GRM4: variants seen among roughly 807,000 people sequenced by gnomAD.
GRM4 encodes metabotropic glutamate receptor 4.
Under a neutral mutation model 81.7 loss-of-function variants are expected in GRM4, and 28 were observed. The observed-to-expected ratio is 0.34, with a 90% CI of 0.25 to 0.47. The LOEUF is 0.47. GRM4 is among the 20% of genes least tolerant of loss of function. The probability of loss-of-function intolerance (pLI) is 1.00; values close to 1 mark genes in which losing one functional copy is unlikely to be tolerated. For missense variants in GRM4, 948 were observed against 1,290.0 expected, an observed-to-expected ratio of 0.73 and a Z score of 4.06; for synonymous variants, 488 against 528.8, an observed-to-expected ratio of 0.92 and a Z score of 1.06.
chr6:34,095,028 A>ACCCTGGCCCAAATCCAGAGTGG (rs1561809024), intron 2 of GRM4, among the ~76,000 whole-genome samples: 3 of 152,150 alleles, frequency 2.0e-5, no homozygotes, highest in Non-Finnish European at 2.9e-5. Flanking sequence ...ATCCAGAGTG[A>ACCCTGGCCCAAATCCAGAGTGG]GGCCCTGGCA....
chr6:34,144,141 G>A (rs1770818321), intron 1 of GRM4, among the ~76,000 whole-genome samples: 1 of 152,238 alleles, frequency 6.6e-6, no homozygotes, highest in Admixed American at 6.5e-5. Flanking sequence ...AAGGCCTAGG[G>A]GCAGGGGGCG....
chr6:34,117,592 C>T (rs1054487346), intron 2 of GRM4, among the ~76,000 whole-genome samples: 1 of 152,190 alleles, frequency 6.6e-6, no homozygotes, highest in African/African-American at 2.4e-5. Context: ...GAAGTGAAGC[C>T]ATAGTCCCTG....
chr6:34,072,513 C>T (rs1766976748), intron 3 of GRM4, among the ~76,000 whole-genome samples: 1 of 152,038 alleles, frequency 6.6e-6, no homozygotes, highest in East Asian at 1.9e-4. Flanking sequence ...ACCACACACA[C>T]ACATCACCAC....
rs954752682 is a variant in GRM4, at chr6:34,133,807, G to C, written c.-311C>G. ...GGAAAGGGCAGAATGCTCCTAGCTT[G>C]GCGTATCTTGGCATCAAGGAGAAAA... On this transcript the variant is annotated 5_prime_UTR_variant, in exon 2 of 11. Coordinates refer to ENST00000538487, the MANE Select transcript of GRM4 (RefSeq NM_000841.4). The surrounding 1 kb of genome is among the most constrained non-coding windows in gnomAD (Gnocchi z 6.5). 6.1e-6 allele frequency: 7 copies of C among 1,149,338 alleles called. No homozygotes were observed. The East Asian group carries it at 2.5e-4, about 42-fold the overall frequency. The allele number at this position is 1,149,338 out of a possible 1,614,324, so 71.2% of individuals were successfully genotyped here.
At chr6:34,099,494 CAG>C (rs980523740) in intron 2 of GRM4, among the ~76,000 whole-genome samples, 4 of 151,826 alleles carry the variant, frequency 2.6e-5, no homozygotes, top group African/African-American at 9.7e-5. Flanking sequence ...TATGTGGCCA[CAG>C]AGAGAGTGGG....
chr6:34,138,867 T>C lies in GRM4; in HGVS notation c.-363-5008A>G, dbSNP rs570911735. ...CAGGGCCTCTCGTTCAAGTAATCTA[T>C]CTCTGTGTTTAAGGCCCCTTCCATA... On this transcript the variant is annotated intron_variant, in intron 1 of 10. Coordinates refer to ENST00000538487, the MANE Select transcript of GRM4 (RefSeq NM_000841.4). 2.6e-5 allele frequency among the ~76,000 whole-genome samples: 4 copies of C among 152,320 alleles called. No homozygotes were observed. In the South Asian group the frequency reaches 8.3e-4, roughly 32 times the overall value.
intron 3 of GRM4, among the ~76,000 whole-genome samples, chr6:34,086,493 G>C (rs1767895682): frequency 6.6e-6 from 1 of 152,228 alleles, no homozygotes; most frequent in South Asian, 2.1e-4. Context: ...CCAAGGAGCA[G>C]GCCAAGCCCC....
At chr6:34,071,468 C>A (rs1766839708) in intron 3 of GRM4, among the ~76,000 whole-genome samples, 4 of 130,582 alleles carry the variant, frequency 3.1e-5, no homozygotes, top group Non-Finnish European at 6.6e-5. Flanking sequence ...CACAGAGATA[C>A]ACACCACAAA....
chr6:34,137,143 C>T (rs548379372), intron 1 of GRM4, among the ~76,000 whole-genome samples: 4 of 152,330 alleles, frequency 2.6e-5, no homozygotes, highest in East Asian at 3.9e-4. Context: ...GTGAAATCAT[C>T]GGGATGACTG....
rs941971734 is a variant in GRM4, at chr6:34,035,578, A to G, written c.2442+90T>C. ...GAGGCATGAAAGAAGGCATTTCTGG[A>G]GCAGGGGGGAGGCCAGCCAGCCTCA... On this transcript the variant is annotated intron_variant, in intron 9 of 10. Transcript: ENST00000538487. This position sits in a 1 kb window ranked among gnomAD's most constrained non-coding sequence, Gnocchi z 6.6. 12 of 640,050 alleles carry G rather than the reference A, an allele frequency of 1.9e-5. No individual in the cohort carries two copies. The highest frequency in any genetic ancestry group is 3.0e-5 in the Non-Finnish European group (12 of 400,742). The allele number at this position is 640,050 out of a possible 1,614,324, so 39.6% of individuals were successfully genotyped here.
At chr6:34,137,024 G>C (rs1340705069) in intron 1 of GRM4, among the ~76,000 whole-genome samples, 2 of 152,156 alleles carry the variant, frequency 1.3e-5, no homozygotes, top group African/African-American at 2.4e-5. Context: ...GGGGCACATA[G>C]AAGGGGTCCT....
Position 34,152,709 on chromosome 6 carries a change from A to T in GRM4, c.312+2370T>A, listed in dbSNP as rs1052651535. 1.3e-5 allele frequency among the ~76,000 whole-genome samples: 2 copies of T among 152,216 alleles called. No individual in the cohort carries two copies. Among genetic ancestry groups the T allele is most frequent in the African/African-American group, 4.8e-5 (2 of 41,442 alleles). ...TTTGATTGGATCCGATGCGCTTTTA[A>T]TTCCCTCCTGGGACATCAGAATGAG... On this transcript the variant is annotated intron_variant, in intron 1 of 8. Transcript: ENST00000374177. This position sits in a 1 kb window ranked among gnomAD's most constrained non-coding sequence, Gnocchi z 4.1.
intron 8 of GRM4, among the ~76,000 whole-genome samples, chr6:34,038,819 G>C (rs939455342): frequency 1.3e-5 from 2 of 152,220 alleles, no homozygotes; most frequent in Admixed American, 6.5e-5. Context: ...GGGACTTTCA[G>C]GGGAAGGGCC....
chr6:34,044,550 AC>A (rs1274002346), intron 6 of GRM4, among the ~76,000 whole-genome samples: 5 of 142,380 alleles, frequency 3.5e-5, no homozygotes, highest in African/African-American at 1.4e-4. Context: ...AGACACACAC[AC>A]AAACACACAG....
intron 3 of GRM4, among the ~76,000 whole-genome samples, chr6:34,066,465 C>T (rs1397460514): frequency 6.6e-6 from 1 of 151,894 alleles, no homozygotes; most frequent in Non-Finnish European, 1.5e-5. Context: ...AATCTAAAGA[C>T]CACATACAAT....
At chr6:34,058,940 A>G (rs1218111166) in intron 5 of GRM4, 34 bp downstream of exon 5, 1 of 1,576,902 alleles carries the variant, frequency 6.3e-7, no homozygotes, top group South Asian at 1.1e-5. Flanking sequence ...GCAGTCCAGG[A>G]TGGTGCCGAC....
Position 34,048,270 on chromosome 6 carries a change from C to G in GRM4, c.1169-7522G>C, listed in dbSNP as rs987800375. On this transcript the variant is annotated intron_variant, in intron 6 of 10. Coordinates refer to ENST00000538487, the MANE Select transcript of GRM4 (RefSeq NM_000841.4). This position sits in a 1 kb window ranked among gnomAD's most constrained non-coding sequence, Gnocchi z 4.0. ...CTGGGCCTGGCAAGTCACTTAGCAT[C>G]TATGAGCTTCAGGCCCCTCGTCTGT... Among the ~76,000 whole-genome samples the G allele has an allele frequency of 6.6e-6, 1 of 152,208 alleles. No homozygotes were observed. The highest frequency in any genetic ancestry group is 1.5e-5 in the Non-Finnish European group (1 of 68,030).
intron 2 of GRM4, among the ~76,000 whole-genome samples, chr6:34,105,459 G>A (rs888604608): frequency 2.6e-5 from 4 of 152,114 alleles, no homozygotes; most frequent in Non-Finnish European, 2.9e-5. Flanking sequence ...TATTTGACCC[G>A]GTAGTCCCTT....
In GRM4 at chr6:34,069,167, T is replaced by TACACACACACACACACACAC. The variant is rs71000021; in HGVS notation, c.737-7159_737-7140dup. ...CTACCCCTGGACCCTCATGGGCGTATACACACACACACACACACACACACA... is the reference window on the plus strand; with the variant it reads ...CTACCCCTGGACCCTCATGGGCGTATACACACACACACACACACACACACACACACACACACACACACACA... On this transcript the variant is annotated intron_variant, in intron 3 of 10. Transcript: ENST00000538487. The surrounding 1 kb of genome is among the most constrained non-coding windows in gnomAD (Gnocchi z 6.4). Among the ~76,000 whole-genome samples, 3 of 134,704 alleles carry TACACACACACACACACACAC rather than the reference T, an allele frequency of 2.2e-5. No homozygotes were observed. Among genetic ancestry groups the TACACACACACACACACACAC allele is most frequent in the Admixed American group, 1.4e-4 (2 of 13,808 alleles). 88.4% of individuals were successfully genotyped at this position (134,704 alleles called of 152,430 possible).
Sources: allele counts gnomAD v4.1 joint callset (sites outside exome capture counted in the v4.1 genomes callset), GRCh38; gene constraint gnomAD v4.1.1; non-coding constraint Gnocchi (gnomAD v3.1); transcripts MANE v1.5; gene names NCBI Gene and HGNC (gene_info 2026-07-23, HGNC 2026-07-21).